SBF1: variants seen among roughly 807,000 people sequenced by gnomAD.
SBF1 encodes the protein SET binding factor 1.
Under a neutral mutation model 215.8 loss-of-function variants are expected in SBF1, and 65 were observed. That is an observed-to-expected ratio of 0.30 (90% confidence interval 0.25 to 0.37). The LOEUF is 0.37. SBF1 is among the 10% of genes least tolerant of loss of function. The probability of loss-of-function intolerance (pLI) is 1.00; values close to 1 mark genes in which losing one functional copy is unlikely to be tolerated. For synonymous variants in SBF1, 1,410 were observed against 1,122.8 expected (o/e 1.26, Z -5.11); for missense variants, 2,634 against 2,667.8 (o/e 0.99, Z 0.28).
At position 50,446,983 on chromosome 22, in the gene SBF1, CGGGGCGGGGCG is replaced by C; in HGVS notation, c.*148_*158del. The C allele has an allele frequency of 1.4e-6, 1 of 712,738 alleles. No homozygotes were observed. Among genetic ancestry groups the C allele is most frequent in the Non-Finnish European group, 2.4e-6 (1 of 411,100 alleles). The allele number at this position is 712,738 out of a possible 1,614,324, so 44.2% of individuals were successfully genotyped here. Reference sequence around the variant, plus strand: ...CCAAAATAAGTTAGGGCCGGCCGGGCGGGGCGGGGCGGGGACGGGGGCTGTACACACAAGTG... The same window carrying C: ...CCAAAATAAGTTAGGGCCGGCCGGGCGGGACGGGGGCTGTACACACAAGTG... On this transcript the variant is annotated 3_prime_UTR_variant, in exon 41 of 41. Coordinates refer to ENST00000380817, the MANE Select transcript of SBF1 (RefSeq NM_002972.4).
In SBF1 at chr22:50,474,813, G is replaced by A. The variant is rs1452459347; in HGVS notation, c.28C>T (p.Leu10=). 1 of 1,447,180 alleles carries A rather than the reference G, an allele frequency of 6.9e-7. No individual in the cohort carries two copies. The highest frequency in any genetic ancestry group is 1.5e-5 in the African/African-American group (1 of 67,412). The allele number at this position is 1,447,180 out of a possible 1,614,324, so 89.6% of individuals were successfully genotyped here. MARLADYFV[L]VAFGPHPRGS... ...CGCGGGTGCGGCCCGAACGCCACCA[G>A]CACGAAGTAGTCCGCGAGCCGCGCC... is the stretch of plus-strand genomic sequence containing the variant. The change falls in exon 1 of 41, where the codon CTG becomes TTG. Residue 10 remains leucine, a synonymous_variant. Transcript: ENST00000380817.
chr22:50,466,913 T>C lies in SBF1; in HGVS notation c.550-203A>G, dbSNP rs909128489. 1.1e-5 allele frequency: 6 copies of C among 564,694 alleles called. No homozygotes were observed. The Admixed American group carries it at 1.7e-4, about 16-fold the overall frequency. The allele number at this position is 564,694 out of a possible 1,614,324, so 35.0% of individuals were successfully genotyped here. A position where few individuals can be genotyped will look rare whatever the true frequency, so the allele number is the denominator to read the frequency against. ...CTGCAGAGAAAACTCAGGACAGGAG[T>C]GGCTGCTTTTGACTTGGGGGTAGGG... On this transcript the variant is annotated intron_variant, in intron 5 of 40. Transcript: ENST00000380817.
At chr22:50,447,480 GC>G (rs747985482) in intron 39 of SBF1, 27 bp from the exon 40 acceptor site, 89 of 1,611,100 alleles carry the variant, frequency 5.5e-5, no homozygotes, top group Non-Finnish European at 6.7e-5. Flanking sequence ...AGTCAGCGGA[GC>G]CCCCTCCCCC....
At chr22:50,470,383 C>CG (rs1569514595) in intron 1 of SBF1, among the ~76,000 whole-genome samples, 1 of 152,172 alleles carries the variant, frequency 6.6e-6, no homozygotes, top group Admixed American at 6.5e-5. Flanking sequence ...CTCCACCCCC[C>CG]GCTAGTCTTG....
At chr22:50,463,472 G>C (rs1435100939) in intron 15 of SBF1, 40 bp from the exon 16 acceptor site, 2 of 1,516,478 alleles carry the variant, frequency 1.3e-6, no homozygotes, top group South Asian at 1.3e-5. Flanking sequence ...AGGGCACAGA[G>C]AAGACCCACT....
chr22:50,454,604 C>T lies in SBF1; in HGVS notation c.4951G>A (p.Gly1651Arg), dbSNP rs745426084. Residue 1651 changes from glycine to arginine, a missense_variant, in exon 36 of 41, where the codon GGA becomes AGA. Transcript: ENST00000380817. ...PEPPEEERSD[G>R]GAPQSRRRVV... The stretch of plus-strand genomic sequence containing the variant: ...CGGCGCCTGCTCTGGGGAGCGCCTC[C>T]ATCAGACCGTTCTTCCTCTGGGGGT... 6.2e-7 allele frequency: 1 copy of T among 1,609,168 alleles called. No individual in the cohort carries two copies. Among genetic ancestry groups the T allele is most frequent in the South Asian group, 1.1e-5 (1 of 90,596 alleles).
In SBF1 at chr22:50,466,652, G is replaced by T. The variant is rs970529797; in HGVS notation, c.608C>A (p.Ser203Ter). ...CACGCTGCAGCGGCTGACGGGCAGC[G>T]AGTCGGCCAGTGGAGTCTGGATGAC... ...RQVIQTPLAD[S>*]LPVSRCSVAL... is the part of the protein sequence containing the mutation. Residue 203 changes from serine to a stop codon, truncating the protein, a stop_gained, in exon 6 of 41, where the codon TCG becomes TAG. Transcript: ENST00000380817. LOFTEE classifies it high-confidence loss of function. The T allele has an allele frequency of 6.4e-7, 1 of 1,551,468 alleles. No individual in the cohort carries two copies. The highest frequency in any genetic ancestry group is 8.7e-7 in the Non-Finnish European group (1 of 1,147,334).
At position 50,460,678 on chromosome 22, in the gene SBF1, G is replaced by C. The variant is rs753904298; in HGVS notation, c.3002C>G (p.Ser1001Cys). 6.2e-7 allele frequency: 1 copy of C among 1,613,776 alleles called. No individual in the cohort carries two copies. Among genetic ancestry groups the C allele is most frequent in the Non-Finnish European group, 8.5e-7 (1 of 1,180,012 alleles). The stretch of plus-strand genomic sequence containing the variant: ...CTTACGGAAGAGCTCGGCGCTGTCA[G>C]ACCCCACCTCCTCGTCAAAGGCCAT... ...LKMAFDEEVGSDSAELFRKQL... is the reference protein window; with the variant it reads ...LKMAFDEEVGCDSAELFRKQL... The change falls in exon 24 of 41, where the codon TCT becomes TGT. Residue 1001 changes from serine to cysteine, a missense_variant. By Grantham distance (112) the Ser-to-Cys change is moderately radical. Coordinates refer to ENST00000380817, the MANE Select transcript of SBF1 (RefSeq NM_002972.4).
chr22:50,463,028 A>G, intron 16 of SBF1, 90 bp from the exon 17 acceptor site: 1 of 1,338,728 alleles, frequency 7.5e-7, no homozygotes, highest in Non-Finnish European at 1.0e-6. Flanking sequence ...TAACCACCAC[A>G]GACCAGCACC....
At position 50,465,314 on chromosome 22, in the gene SBF1, G is replaced by A. The variant is rs766464986; in HGVS notation, c.1104C>T (p.Arg368=). 60 of 1,594,518 alleles carry A rather than the reference G, an allele frequency of 3.8e-5. No homozygotes were observed. Among genetic ancestry groups the A allele is most frequent in the Admixed American group, 5.4e-5 (3 of 55,934 alleles). Residue 368 remains arginine (R), a synonymous_variant, in exon 11 of 41, where the codon CGC becomes CGT. Coordinates refer to ENST00000380817, the MANE Select transcript of SBF1 (RefSeq NM_002972.4). ...GAGCGAACAGCCGCAGGAAGACCGC[G>A]CGCAGCTCCTTGTCCTGGGAGAAGA... ...SSLKMQDKEL[R]AVFLRLFAQL... is the part of the protein sequence containing the mutation.
At chr22:50,465,154 C>A in intron 11 of SBF1, 25 bp from the exon 12 acceptor site, 1 of 1,613,858 alleles carries the variant, frequency 6.2e-7, no homozygotes, top group Non-Finnish European at 8.5e-7. Context: ...GAGGTCGGTC[C>A]CTCAGGGGTC....
At chr22:50,456,463 T>G (rs973639810) in intron 30 of SBF1, 29 bp downstream of exon 30, 2 of 536,002 alleles carry the variant, frequency 3.7e-6, no homozygotes, top group Non-Finnish European at 5.5e-6. Context: ...GCCCCCACCC[T>G]CACCCCCCAC....
At chr22:50,455,164 G>T in intron 33 of SBF1, 22 bp from the exon 34 acceptor site, 1 of 1,614,000 alleles carries the variant, frequency 6.2e-7, no homozygotes, top group South Asian at 1.1e-5. Flanking sequence ...GTGGGTCAGG[G>T]GCCAGGGCTC....
At chr22:50,448,733 A>T (rs2066931757) in intron 36 of SBF1, 83 bp from the exon 37 acceptor site, 3 of 1,161,994 alleles carry the variant, frequency 2.6e-6, no homozygotes, top group Admixed American at 3.7e-5. Context: ...AACACAGGAA[A>T]GAGACACAAC....
At chr22:50,447,496 G>GGCCCCC in intron 39 of SBF1, 26 bp downstream of exon 39, 1 of 1,608,470 alleles carries the variant, frequency 6.2e-7, no homozygotes, top group Non-Finnish European at 8.5e-7. Flanking sequence ...TCCCCCGTGA[G>GGCCCCC]TCCCCCCCAC....
In SBF1 at chr22:50,467,524, G is replaced by A. The variant is rs753084512; in HGVS notation, c.438+8C>T. The A allele has an allele frequency of 1.5e-5, 25 of 1,613,626 alleles. No homozygotes were observed. Among genetic ancestry groups the A allele is most frequent in the Admixed American group, 1.5e-4 (9 of 59,970 alleles). On this transcript the variant is annotated splice_region_variant and intron_variant, in intron 4 of 40. Transcript: ENST00000380817. ...GTCGTGCCTCGCCGCCCCGGCTGCC[G>A]GCCTCACCCTGAACACCTCCGTGTG...
Position 50,461,188 on chromosome 22 carries a change from C to T in SBF1, c.2938G>A (p.Gly980Arg), listed in dbSNP as rs1180199698. The T allele has an allele frequency of 4.4e-6, 7 of 1,609,126 alleles. No homozygotes were observed. The highest frequency in any genetic ancestry group is 4.0e-5 in the African/African-American group (3 of 74,948). The change falls in exon 23 of 41, where the codon GGG becomes AGG. Residue 980 changes from glycine to arginine, a missense_variant. Coordinates refer to ENST00000380817, the MANE Select transcript of SBF1 (RefSeq NM_002972.4). Reference sequence around the variant, plus strand: ...AATGTGCAGGAGCGCAGCTGGAGCCCGTCCTGCAGGAGCTGGTCCACAGGG... The same window carrying T: ...AATGTGCAGGAGCGCAGCTGGAGCCTGTCCTGCAGGAGCTGGTCCACAGGG... ...QTPVDQLLQD[G>R]LQLRSCTFQL...
chr22:50,462,514 C>T (rs762882063), intron 18 of SBF1, 41 bp from the exon 19 acceptor site: 6 of 1,611,088 alleles, frequency 3.7e-6, no homozygotes, highest in Non-Finnish European at 3.4e-6. Context: ...CCACGCTGCC[C>T]CAGCCCCTAG....
In SBF1 at chr22:50,459,639, C is replaced by G; in HGVS notation, c.3519G>C (p.Gln1173His). 3.1e-6 allele frequency: 5 copies of G among 1,607,852 alleles called. No individual in the cohort carries two copies. Among genetic ancestry groups the G allele is most frequent in the Non-Finnish European group, 4.2e-6 (5 of 1,178,090 alleles). Residue 1173 changes from glutamine to histidine, a missense_variant, in exon 27 of 41, where the codon CAG (glutamine) becomes CAC (histidine). Transcript: ENST00000380817. ...GCTGCAGGGCGTTGTCCTGGACACT[C>G]TGGGGCACGATCAGCAGCCCTGGGT... Reference protein sequence around the residue: ...RSYPGLLIVPQSVQDNALQRV... With the variant: ...RSYPGLLIVPHSVQDNALQRV...
Sources: allele counts gnomAD v4.1 joint callset (sites outside exome capture counted in the v4.1 genomes callset), GRCh38; gene constraint gnomAD v4.1.1; transcripts MANE v1.5; gene names NCBI Gene and HGNC (gene_info 2026-07-23, HGNC 2026-07-21).